Variants in ITSN1 observed in about 807,000 individuals in gnomAD.
ITSN1 encodes the protein intersectin 1.
ITSN1 carries 58 observed loss-of-function variants against 239.8 expected under a neutral mutation model. That is an observed-to-expected ratio of 0.24 (90% CI 0.20 to 0.30). The LOEUF is 0.30. Among genes scored for constraint, ITSN1 ranks in the 10% least tolerant of loss-of-function variants. The pLI is 1.00. For synonymous variants in ITSN1, 780 were observed against 770.8 expected (o/e 1.01, Z -0.20); for missense variants, 1,558 against 2,103.3 (o/e 0.74, Z 5.07).
intron 1 of ITSN1, among the ~76,000 whole-genome samples, chr21:33,688,345 G>A (rs183117179): frequency 1.6e-4 from 25 of 152,164 alleles, no homozygotes; most frequent in African/African-American, 5.5e-4. Flanking sequence ...AACATTCGTA[G>A]GACTACACTG....
At chr21:33,658,258 G>A (rs1399773661) in intron 1 of ITSN1, among the ~76,000 whole-genome samples, 6 of 152,144 alleles carry the variant, frequency 3.9e-5, no homozygotes, top group Non-Finnish European at 8.8e-5. Context: ...GGCTGAGGAG[G>A]AGGAAGAAGG....
At chr21:33,825,054 A>G (rs1355445842) in intron 25 of ITSN1, among the ~76,000 whole-genome samples, 1 of 152,224 alleles carries the variant, frequency 6.6e-6, no homozygotes, top group Non-Finnish European at 1.5e-5. Flanking sequence ...CTCAATTTCT[A>G]CTACCGTGCA....
In ITSN1 at chr21:33,873,835, GT is replaced by G. The variant is rs200638773; in HGVS notation, c.4174-1517del. Among the ~76,000 whole-genome samples the G allele has an allele frequency of 3.7e-3, 560 of 152,020 alleles. 11 individuals are homozygous for G. The East Asian group carries it at 0.041, about 11-fold the overall frequency. On this transcript the variant is annotated intron_variant, in intron 33 of 39. Coordinates refer to ENST00000381318, the MANE Select transcript of ITSN1 (RefSeq NM_003024.3). ...TGCAGTGAGATGAGATCGTGCCACT[GT>G]TCTCCAGCCTGGGTGACAGAACGAG...
At chr21:33,762,600 A>G (rs116236155) in intron 9 of ITSN1, among the ~76,000 whole-genome samples, 2 of 152,154 alleles carry the variant, frequency 1.3e-5, no homozygotes, top group African/African-American at 4.8e-5. Context: ...TAGTTATTAT[A>G]TAATTTCTAC....
At chr21:33,712,616 C>T (rs2834251) in intron 1 of ITSN1, among the ~76,000 whole-genome samples, 24,615 of 152,112 alleles carry the variant, frequency 0.16, 2,495 homozygotes, top group African/African-American at 0.27. Flanking sequence ...ACCACAAAGA[C>T]CGTGTTTCTG....
At chr21:33,888,079 C>T (rs1278304409) in intron 39 of ITSN1, 73 bp from the exon 40 acceptor site, 31 of 1,515,264 alleles carry the variant, frequency 2.0e-5, no homozygotes, top group African/African-American at 2.8e-5. Flanking sequence ...CAGGGGGTCC[C>T]CAATATGCCA....
chr21:33,774,497 C>A, intron 12 of ITSN1: 1 of 354,086 alleles, frequency 2.8e-6, no homozygotes, highest in Non-Finnish European at 5.1e-6. Flanking sequence ...ATCCTGTCAT[C>A]TTACGTAAAT....
intron 1 of ITSN1, among the ~76,000 whole-genome samples, chr21:33,703,296 A>G (rs1214033400): frequency 1.3e-5 from 2 of 152,064 alleles, no homozygotes; most frequent in Admixed American, 6.6e-5. Context: ...ATTTTAATGT[A>G]AGTGCCAAAA....
At chr21:33,658,460 A>G (rs569908499) in intron 1 of ITSN1, among the ~76,000 whole-genome samples, 1 of 152,340 alleles carries the variant, frequency 6.6e-6, no homozygotes, top group African/African-American at 2.4e-5. Context: ...GCCTGTTACT[A>G]TACTGAATAC....
intron 1 of ITSN1, among the ~76,000 whole-genome samples, chr21:33,661,275 A>G (rs1335197666): frequency 1.3e-5 from 2 of 152,178 alleles, no homozygotes; most frequent in East Asian, 3.8e-4. Context: ...TCACAACTCA[A>G]ATGATTGCAC....
chr21:33,705,027 C>T (rs760483913), intron 1 of ITSN1, among the ~76,000 whole-genome samples: 31 of 147,132 alleles, frequency 2.1e-4, no homozygotes, highest in Admixed American at 9.0e-4. Context: ...CGGAGAATGG[C>T]GTGAACCTGG....
At position 33,736,811 on chromosome 21, in the gene ITSN1, C is replaced by G. The variant is rs566752680; in HGVS notation, c.346+1607C>G. Reference sequence around the variant, plus strand: ...GACCAGCCTGGCAACATAACAAGGCCTCGTTGCTACTGAAAATTTAAAAAT... The same window carrying G: ...GACCAGCCTGGCAACATAACAAGGCGTCGTTGCTACTGAAAATTTAAAAAT... On this transcript the variant is annotated intron_variant, in intron 5 of 39. Transcript: ENST00000381318. Among the ~76,000 whole-genome samples the G allele has an allele frequency of 1.1e-4, 16 of 152,244 alleles. No homozygotes were observed. The South Asian group carries it at 3.3e-3, about 32-fold the overall frequency.
At chr21:33,693,406 G>A (rs1020030955) in intron 1 of ITSN1, among the ~76,000 whole-genome samples, 2 of 151,950 alleles carry the variant, frequency 1.3e-5, no homozygotes, top group African/African-American at 4.8e-5. Flanking sequence ...GTCCAGGCTG[G>A]AGTGCAATGG....
At chr21:33,676,235 G>A (rs1422166966) in intron 1 of ITSN1, among the ~76,000 whole-genome samples, 2 of 151,990 alleles carry the variant, frequency 1.3e-5, no homozygotes, top group South Asian at 2.1e-4. Context: ...CCTCCGCTTC[G>A]GCCTCCCAGA....
intron 12 of ITSN1, among the ~76,000 whole-genome samples, chr21:33,773,578 A>T (rs1602146235): frequency 6.6e-6 from 1 of 152,250 alleles, no homozygotes; most frequent in East Asian, 1.9e-4. Context: ...CTAAGGAGGG[A>T]TGATCACTTG....
chr21:33,846,224 C>G (rs2074986615), intron 29 of ITSN1, among the ~76,000 whole-genome samples: 1 of 152,208 alleles, frequency 6.6e-6, no homozygotes, highest in South Asian at 2.1e-4. Flanking sequence ...GCCCCAGCTG[C>G]AAATGCCTTT....
intron 1 of ITSN1, among the ~76,000 whole-genome samples, chr21:33,689,891 T>C (rs1455594395): frequency 7.1e-6 from 1 of 141,682 alleles, no homozygotes; most frequent in African/African-American, 2.7e-5. Context: ...TCGCTTGAAA[T>C]CGGGAGGTGG....
In ITSN1 at chr21:33,887,988, A is replaced by G. The variant is rs146813885; in HGVS notation, c.5018-164A>G. On this transcript the variant is annotated intron_variant, in intron 39 of 39. Coordinates refer to ENST00000381318, the MANE Select transcript of ITSN1 (RefSeq NM_003024.3). ...AATGAAATACCATGACACATTGGCA[A>G]CTCCGCTGGGGAGCGAGTTGGAAAT... Among the ~76,000 whole-genome samples, 363 of 151,894 alleles carry G rather than the reference A, an allele frequency of 2.4e-3. 5 individuals carry two copies. Among genetic ancestry groups the G allele is most frequent in the African/African-American group, 8.1e-3 (335 of 41,386 alleles).
chr21:33,897,273 C>CTG lies in ITSN1; in HGVS notation c.*8976_*8977dup, dbSNP rs1005780616. 5 of 152,478 alleles carry CTG rather than the reference C, an allele frequency of 3.3e-5. No homozygotes were observed. Among genetic ancestry groups the CTG allele is most frequent in the African/African-American group, 1.2e-4 (5 of 41,582 alleles). 9.4% of individuals were successfully genotyped at this position (152,478 alleles called of 1,614,324 possible). ...CTGCTGTAGCCCCGCAAGCCGGAGT[C>CTG]TGTGCCCTCCATGACCCTTCTTATC... On this transcript the variant is annotated 3_prime_UTR_variant, in exon 40 of 40. Coordinates refer to ENST00000381318, the MANE Select transcript of ITSN1 (RefSeq NM_003024.3).
Sources: gnomAD v4.1 joint callset for allele counts (sites outside exome capture counted in the v4.1 genomes callset) on GRCh38, gnomAD v4.1.1 for gene constraint, MANE v1.5 for transcripts, NCBI Gene and HGNC (gene_info 2026-07-23, HGNC 2026-07-21) for gene names.